Variants in CXCL13 observed in about 807,000 individuals in gnomAD.
CXCL13 encodes the protein C-X-C motif chemokine 13.
CXCL13 carries 7 observed loss-of-function variants against 12.2 expected under a neutral mutation model. The observed-to-expected ratio is 0.57, with a 90% CI of 0.33 to 1.07. The LOEUF (loss-of-function observed/expected upper bound fraction) is 1.07, where lower values mean the gene tolerates loss of function less well. CXCL13 is among the 50% of genes least tolerant of loss of function. CXCL13 has a pLI of 0.04. For missense variants in CXCL13, 113 were observed against 127.4 expected, an observed-to-expected ratio of 0.89 and a Z score of 0.55; for synonymous variants, 47 against 42.4, an observed-to-expected ratio of 1.11 and a Z score of -0.42.
At chr4:77,596,155 G>T (rs1006655367) in intron 1 of CXCL13, among the ~76,000 whole-genome samples, 4 of 152,184 alleles carry the variant, frequency 2.6e-5, no homozygotes, top group Admixed American at 6.5e-5. Flanking sequence ...TGTTGTCCCG[G>T]AAGGGAGCTA....
intron 1 of CXCL13, among the ~76,000 whole-genome samples, chr4:77,567,343 T>C (rs1725963649): frequency 6.6e-6 from 1 of 152,246 alleles, no homozygotes; most frequent in African/African-American, 2.4e-5. Context: ...GCCTATTTGG[T>C]GGTCTCTTCA....
intron 1 of CXCL13, among the ~76,000 whole-genome samples, chr4:77,579,924 A>C (rs1403260917): frequency 6.6e-6 from 1 of 152,184 alleles, no homozygotes; most frequent in Non-Finnish European, 1.5e-5. Flanking sequence ...AAAAATAGCT[A>C]TGCCAATCCA....
At chr4:77,573,116 G>A (rs569486663) in intron 1 of CXCL13, among the ~76,000 whole-genome samples, 20 of 151,750 alleles carry the variant, frequency 1.3e-4, no homozygotes, top group Non-Finnish European at 2.2e-4. Flanking sequence ...AAGACAATCA[G>A]GAAAAATAAC....
intron 1 of CXCL13, among the ~76,000 whole-genome samples, chr4:77,542,908 AT>A (rs766698019): frequency 6.6e-6 from 1 of 152,058 alleles, no homozygotes; most frequent in South Asian, 2.1e-4. Context: ...TCTCTCCTTA[AT>A]TTTTTGGGAA....
chr4:77,554,830 A>G (rs1262247567), intron 1 of CXCL13, among the ~76,000 whole-genome samples: 1 of 152,132 alleles, frequency 6.6e-6, no homozygotes, highest in Non-Finnish European at 1.5e-5. Flanking sequence ...ATCTCTAATC[A>G]TGTATTATAG....
upstream of CXCL13, chr4:77,605,754 G>C: frequency 1.9e-6 from 1 of 519,492 alleles, no homozygotes; most frequent in Non-Finnish European, 3.4e-6. Flanking sequence ...TGACCTACTG[G>C]AGACAAAGGC....
chr4:77,550,842 T>A (rs975652766), intron 1 of CXCL13, among the ~76,000 whole-genome samples: 1 of 152,220 alleles, frequency 6.6e-6, no homozygotes, highest in Non-Finnish European at 1.5e-5. Flanking sequence ...TCTTGTTGAA[T>A]TGAATCTTTT....
At chr4:77,559,062 A>G (rs1252693240) in intron 1 of CXCL13, among the ~76,000 whole-genome samples, 1 of 152,188 alleles carries the variant, frequency 6.6e-6, no homozygotes, top group East Asian at 1.9e-4. Flanking sequence ...TATACCATCC[A>G]ACTTCATCAA....
chr4:77,513,981 G>C (rs1724341001), intron 1 of CXCL13, among the ~76,000 whole-genome samples: 1 of 151,946 alleles, frequency 6.6e-6, no homozygotes, highest in East Asian at 1.9e-4. Context: ...ACAGTCCCCA[G>C]AGTGTGATGT....
intron 1 of CXCL13, among the ~76,000 whole-genome samples, chr4:77,550,758 A>G (rs1484903046): frequency 6.6e-6 from 1 of 152,132 alleles, no homozygotes; most frequent in Non-Finnish European, 1.5e-5. Flanking sequence ...AAGTCTTTTC[A>G]TAGGTCTAGA....
intron 1 of CXCL13, among the ~76,000 whole-genome samples, chr4:77,559,432 T>C (rs1457597393): frequency 1.3e-5 from 2 of 152,146 alleles, no homozygotes; most frequent in Non-Finnish European, 2.9e-5. Context: ...TAAACAGTCA[T>C]TGGATGTGGA....
upstream of CXCL13, among the ~76,000 whole-genome samples, chr4:77,603,276 T>C (rs965490077): frequency 2.6e-5 from 4 of 152,162 alleles, no homozygotes; most frequent in Non-Finnish European, 2.9e-5. Context: ...CTGTAAGAAA[T>C]TGACCATTCA....
chr4:77,538,999 A>G (rs866368236), intron 1 of CXCL13, among the ~76,000 whole-genome samples: 1 of 151,992 alleles, frequency 6.6e-6, no homozygotes, highest in Admixed American at 6.6e-5. Context: ...ATGAAAGTGT[A>G]CTTGGAAGAG....
intron 1 of CXCL13, among the ~76,000 whole-genome samples, chr4:77,529,210 C>T (rs561637805): frequency 2.4e-4 from 37 of 152,182 alleles, no homozygotes; most frequent in South Asian, 4.2e-4. Flanking sequence ...GGTCAGGTAG[C>T]GTGATGCCTC....
intron 1 of CXCL13, among the ~76,000 whole-genome samples, chr4:77,574,497 T>G (rs965030169): frequency 1.3e-5 from 2 of 151,968 alleles, no homozygotes; most frequent in Non-Finnish European, 2.9e-5. Context: ...GTGTAATAGC[T>G]AGGTAGAACA....
At chr4:77,547,036 G>A (rs772187407) in intron 1 of CXCL13, among the ~76,000 whole-genome samples, 45 of 152,186 alleles carry the variant, frequency 3.0e-4, no homozygotes, top group Non-Finnish European at 4.9e-4. Flanking sequence ...CAGTTTCCAT[G>A]TAGTTGTGCA....
At chr4:77,595,214 A>G (rs1206718753) in intron 1 of CXCL13, among the ~76,000 whole-genome samples, 1 of 151,430 alleles carries the variant, frequency 6.6e-6, no homozygotes, top group Admixed American at 6.6e-5. Flanking sequence ...TTTTTGAGTT[A>G]TCTTCTAAGA....
upstream of CXCL13, chr4:77,605,773 G>T: frequency 1.6e-6 from 1 of 624,956 alleles, no homozygotes; most frequent in Non-Finnish European, 2.7e-6. Context: ...GCAGTGGGAG[G>T]GCCCTTACTG....
At chr4:77,593,511 C>T (rs1726669896) in intron 1 of CXCL13, among the ~76,000 whole-genome samples, 1 of 152,142 alleles carries the variant, frequency 6.6e-6, no homozygotes, top group African/African-American at 2.4e-5. Flanking sequence ...AAGTCGACTC[C>T]AGAATAAAAG....
Sources: gnomAD v4.1 joint callset for allele counts (sites outside exome capture counted in the v4.1 genomes callset) on GRCh38, gnomAD v4.1.1 for gene constraint, MANE v1.5 for transcripts, NCBI Gene and HGNC (gene_info 2026-07-23, HGNC 2026-07-21) for gene names.